The following MS4A3 variants were observed in gnomAD, a reference collection of about 807,000 sequenced individuals.
MS4A3 encodes the protein membrane-spanning 4-domains subfamily A member 3.
Under a neutral mutation model 24.7 loss-of-function variants are expected in MS4A3, and 18 were observed. The ratio of observed to expected loss-of-function variants is 0.73; its 90% CI spans 0.50 to 1.08. MS4A3 has a LOEUF of 1.08. Among genes scored for constraint, MS4A3 ranks in the 50% least tolerant of loss-of-function variants. MS4A3 has a pLI of 0.00. For missense variants in MS4A3, 282 were observed against 251.7 expected (o/e 1.12, Z -0.82); for synonymous variants, 84 against 95.3 (o/e 0.88, Z 0.69).
rs143965382 is a variant in MS4A3, at chr11:60,067,110, A to C, written c.511A>C (p.Asn171His). Residue 171 changes from asparagine (N) to histidine (H), a missense_variant and splice_region_variant, in exon 5 of 7, where the codon AAT becomes CAT. Asn to His is a moderately conservative substitution (Grantham distance 68). Transcript: ENST00000278865. Reference protein sequence around the residue: ...DLCNYMGSISNGMVSLLLILT... With the variant: ...DLCNYMGSISHGMVSLLLILT... ...ATGCAATTACATGGGCTCCATATCA[A>C]ATGTATGTTTCTGAAAAATATGTAT... 1.3e-4 allele frequency: 203 copies of C among 1,600,318 alleles called. No individual in the cohort carries two copies. The African/African-American group carries it at 2.4e-3, about 19-fold the overall frequency.
intron 2 of MS4A3, chr11:60,061,633 C>A (rs925087142): frequency 2.5e-5 from 8 of 315,456 alleles, no homozygotes; most frequent in Non-Finnish European, 4.9e-5. Context: ...ATGTCACATA[C>A]AAAATATGTG....
At chr11:60,062,699 G>A (rs1855296543) in intron 3 of MS4A3, 94 bp downstream of exon 3, 13 of 1,433,444 alleles carry the variant, frequency 9.1e-6, no homozygotes, top group Non-Finnish European at 1.2e-5. Flanking sequence ...TAGGTTATTG[G>A]AAGGTTGCAT....
chr11:60,064,406 A>T (rs1315685343), intron 4 of MS4A3, 88 bp downstream of exon 4: 2 of 850,966 alleles, frequency 2.4e-6, no homozygotes, highest in Non-Finnish European at 3.6e-6. Context: ...CATGAATACA[A>T]CTGAGACACT....
intron 5 of MS4A3, among the ~76,000 whole-genome samples, chr11:60,067,437 G>C (rs956214752): frequency 2.0e-5 from 3 of 151,856 alleles, no homozygotes; most frequent in African/African-American, 4.8e-5. Flanking sequence ...GGATGGTCTT[G>C]ATCTCCTGAC....
Position 60,062,586 on chromosome 11 carries a change from C to G in MS4A3, c.275C>G (p.Pro92Arg). ...FFFFTFYTGY[P>R]IWGAVFFCSS... ...TTCTTCACCTTCTACACAGGCTACC[C>G]GATTTGGGGTGCTGTGTTTGTGAGT... Residue 92 changes from proline to arginine, a missense_variant, in exon 3 of 7, where the codon CCG becomes CGG. Pro to Arg is a moderately radical substitution (Grantham distance 103). Coordinates refer to ENST00000278865, the MANE Select transcript of MS4A3 (RefSeq NM_006138.5). 3 of 1,614,022 alleles carry G rather than the reference C, an allele frequency of 1.9e-6. No homozygotes were observed. The highest frequency in any genetic ancestry group is 2.5e-6 in the Non-Finnish European group (3 of 1,179,988).
chr11:60,061,447 C>T lies in MS4A3; in HGVS notation c.156+131C>T, dbSNP rs370754235. ...TTTCTTCCACCTCTGTTTGCCATCCCGAGACAGCAAGAACAACCCCTGCTC... is the reference window on the plus strand; with the variant it reads ...TTTCTTCCACCTCTGTTTGCCATCCTGAGACAGCAAGAACAACCCCTGCTC... On this transcript the variant is annotated intron_variant, in intron 2 of 6. Transcript: ENST00000278865. 105 of 1,109,314 alleles carry T rather than the reference C, an allele frequency of 9.5e-5. No individual in the cohort carries two copies. The African/African-American group carries it at 1.2e-3, about 12-fold the overall frequency. The allele number at this position is 1,109,314 out of a possible 1,614,324, so 68.7% of individuals were successfully genotyped here. A position where few individuals can be genotyped will look rare whatever the true frequency, so the allele number is the denominator to read the frequency against.
Position 60,070,326 on chromosome 11 carries a change from G to C in MS4A3, c.*93G>C, listed in dbSNP as rs1377400053. ...CACCCACAAACTCAGGAGAACATAA[G>C]CCTGCTCGTAAAGCTCAATCCTTCT... On this transcript the variant is annotated 3_prime_UTR_variant, in exon 7 of 7. Transcript: ENST00000278865. 1.2e-5 allele frequency: 12 copies of C among 1,040,768 alleles called. No homozygotes were observed. The highest frequency in any genetic ancestry group is 1.8e-5 in the Non-Finnish European group (12 of 680,874). The allele number at this position is 1,040,768 out of a possible 1,614,324, so 64.5% of individuals were successfully genotyped here.
intron 2 of MS4A3, among the ~76,000 whole-genome samples, chr11:60,061,889 T>C (rs957862122): frequency 3.3e-5 from 5 of 152,210 alleles, no homozygotes; most frequent in Admixed American, 6.5e-5. Context: ...GGACTTCTTA[T>C]AGATCTGGGG....
chr11:60,058,658 GAAGACAAATC>G (rs1308145811), intron 1 of MS4A3, among the ~76,000 whole-genome samples: 2 of 151,840 alleles, frequency 1.3e-5, no homozygotes, highest in Non-Finnish European at 2.9e-5. Context: ...ACTTCTGAAG[GAAGACAAATC>G]AAGAAAATAA....
At chr11:60,066,552 G>C (rs1054118138) in intron 4 of MS4A3, among the ~76,000 whole-genome samples, 1 of 152,042 alleles carries the variant, frequency 6.6e-6, no homozygotes, top group African/African-American at 2.4e-5. Context: ...CTAATTTCAA[G>C]GATATTCCCC....
chr11:60,067,451 G>A (rs551299777), intron 5 of MS4A3, among the ~76,000 whole-genome samples: 38 of 151,870 alleles, frequency 2.5e-4, no homozygotes, highest in Admixed American at 2.4e-3. Flanking sequence ...TCCTGACCTC[G>A]TGACCCGCCC....
At position 60,067,418 on chromosome 11, in the gene MS4A3, T is replaced by C. The variant is rs1590618100; in HGVS notation, c.513+306T>C. On this transcript the variant is annotated intron_variant, in intron 5 of 6. Coordinates refer to ENST00000278865, the MANE Select transcript of MS4A3 (RefSeq NM_006138.5). ...TTTTAGTAGAGACGGGGTTTTACCG[T>C]GTTAACCAGGATGGTCTTGATCTCC... is the stretch of plus-strand genomic sequence containing the variant. Among the ~76,000 whole-genome samples the C allele has an allele frequency of 2.6e-5, 4 of 152,026 alleles. No individual in the cohort carries two copies. In the South Asian group the frequency reaches 6.2e-4, roughly 24 times the overall value.
chr11:60,067,100 C>T lies in MS4A3; in HGVS notation c.501C>T (p.Gly167=), dbSNP rs1247345362. The change falls in exon 5 of 7, where the codon GGC becomes GGT. Residue 167 remains glycine, a synonymous_variant. Coordinates refer to ENST00000278865, the MANE Select transcript of MS4A3 (RefSeq NM_006138.5). ...SESPDLCNYM[G]SISNGMVSLL... Reference sequence around the variant, plus strand: ...CACCGGACCTATGCAATTACATGGGCTCCATATCAAATGTATGTTTCTGAA... The same window carrying T: ...CACCGGACCTATGCAATTACATGGGTTCCATATCAAATGTATGTTTCTGAA... 6.2e-7 allele frequency: 1 copy of T among 1,604,594 alleles called. No individual in the cohort carries two copies. The highest frequency in any genetic ancestry group is 8.5e-7 in the Non-Finnish European group (1 of 1,177,404).
rs770028910 is a variant in MS4A3 at position 60,062,602 on chromosome 11, G to C, written c.291G>C (p.Val97=). The change falls in exon 3 of 7, where the codon GTG becomes GTC. Residue 97 remains valine (V), a synonymous_variant. Transcript: ENST00000278865. ...CAGGCTACCCGATTTGGGGTGCTGT[G>C]TTTGTGAGTATTCGTACTCCCCTGG... The part of the protein sequence containing the change: ...FYTGYPIWGA[V]FFCSSGTLSV... The C allele has an allele frequency of 6.2e-7, 1 of 1,613,966 alleles. No homozygotes were observed. The highest frequency in any genetic ancestry group is 8.5e-7 in the Non-Finnish European group (1 of 1,179,952).
intron 5 of MS4A3, among the ~76,000 whole-genome samples, chr11:60,068,549 G>C (rs1408467256): frequency 6.6e-6 from 1 of 151,662 alleles, no homozygotes; most frequent in Non-Finnish European, 1.5e-5. Context: ...ACCGCGCCCA[G>C]CCAACCTTAC....
chr11:60,066,897 A>G (rs1436800713), intron 4 of MS4A3, 54 bp from the exon 5 acceptor site: 2 of 1,352,338 alleles, frequency 1.5e-6, no homozygotes, highest in Non-Finnish European at 2.0e-6. Flanking sequence ...ATTGTTGCCA[A>G]AGGAATGAAG....
chr11:60,063,845 A>G (rs925401123), intron 3 of MS4A3, among the ~76,000 whole-genome samples: 3 of 152,122 alleles, frequency 2.0e-5, no homozygotes, highest in Non-Finnish European at 2.9e-5. Context: ...GAATGACACA[A>G]TGGACTTTGG....
intron 4 of MS4A3, among the ~76,000 whole-genome samples, chr11:60,064,888 A>C (rs1293342177): frequency 6.6e-6 from 1 of 152,094 alleles, no homozygotes; most frequent in African/African-American, 2.4e-5. Flanking sequence ...GACCTCCACT[A>C]CTAATGGACT....
intron 3 of MS4A3, among the ~76,000 whole-genome samples, chr11:60,062,834 A>T (rs1164269917): frequency 1.3e-5 from 2 of 152,202 alleles, no homozygotes; most frequent in African/African-American, 2.4e-5. Flanking sequence ...TCTGCCATCC[A>T]GGCTGGAGTG....
Sources: allele counts gnomAD v4.1 joint callset (sites outside exome capture counted in the v4.1 genomes callset), GRCh38; gene constraint gnomAD v4.1.1; transcripts MANE v1.5; gene names NCBI Gene and HGNC (gene_info 2026-07-23, HGNC 2026-07-21).